The following ANK2 variants were observed in gnomAD, a reference collection of about 807,000 sequenced individuals.
The protein encoded by ANK2 is ankyrin 2.
A neutral mutation model predicts 360.5 loss-of-function variants in ANK2; 83 were observed. That is an observed-to-expected ratio of 0.23 (90% CI 0.19 to 0.28). ANK2 has a LOEUF of 0.28. ANK2 is among the 10% of genes least tolerant of loss of function. The pLI is 1.00. For synonymous variants in ANK2, 1,740 were observed against 1,759.5 expected (o/e 0.99, Z 0.28); for missense variants, 4,201 against 4,795.7 (o/e 0.88, Z 3.66).
At chr4:112,773,870 G>A in the ANK2 span, among the ~76,000 whole-genome samples, 5 of 151,802 alleles carry the variant, frequency 3.3e-5, no homozygotes, top group Non-Finnish European at 4.4e-5. Flanking sequence ...GCAAGATCTC[G>A]GCTTACTGCA....
At chr4:112,832,293 T>TC (rs2149691037) in intron 1 of ANK2, among the ~76,000 whole-genome samples, 1 of 152,298 alleles carries the variant, frequency 6.6e-6, no homozygotes, top group East Asian at 1.9e-4. Flanking sequence ...CCTCAAGTGA[T>TC]CCGCCTCCCT....
chr4:112,997,296 G>A (rs1048442405), intron 2 of ANK2, among the ~76,000 whole-genome samples: 11 of 152,212 alleles, frequency 7.2e-5, no homozygotes, highest in Admixed American at 2.6e-4. Context: ...CAATTTTCAA[G>A]TACACAGTAA....
chr4:113,164,072 T>C (rs1233318138), intron 1 of ANK2, among the ~76,000 whole-genome samples: 2 of 152,092 alleles, frequency 1.3e-5, no homozygotes, highest in Non-Finnish European at 2.9e-5. Flanking sequence ...GGACATTTCT[T>C]TTATATCAAC....
At chr4:113,201,528 C>A (rs1474407639) in intron 4 of ANK2, among the ~76,000 whole-genome samples, 1 of 152,210 alleles carries the variant, frequency 6.6e-6, no homozygotes, top group Non-Finnish European at 1.5e-5. Context: ...ACTTATACAT[C>A]ATGAAAATGA....
intron 31 of ANK2, among the ~76,000 whole-genome samples, chr4:113,338,760 A>G (rs1361063067): frequency 6.6e-6 from 1 of 151,922 alleles, no homozygotes; most frequent in Non-Finnish European, 1.5e-5. Flanking sequence ...CGTGTTAGCC[A>G]GGATGGTCTT....
the ANK2 span, among the ~76,000 whole-genome samples, chr4:112,714,522 A>T: frequency 3.3e-5 from 5 of 152,232 alleles, no homozygotes; most frequent in African/African-American, 1.2e-4. Context: ...TAAACATCAT[A>T]TGAAGCTACA....
At chr4:112,748,269 A>G in the ANK2 span, among the ~76,000 whole-genome samples, 4 of 152,220 alleles carry the variant, frequency 2.6e-5, no homozygotes, top group Non-Finnish European at 5.9e-5. Context: ...ACAGCAAATT[A>G]AAGTGGTTAT....
intron 2 of ANK2, among the ~76,000 whole-genome samples, chr4:113,186,029 C>G (rs1332302946): frequency 1.3e-5 from 2 of 152,176 alleles, no homozygotes; most frequent in Non-Finnish European, 2.9e-5. Context: ...AGTGGATCTC[C>G]CAGCACAGCA....
At chr4:113,152,539 G>A (rs969990230) in intron 1 of ANK2, among the ~76,000 whole-genome samples, 2 of 152,070 alleles carry the variant, frequency 1.3e-5, no homozygotes, top group South Asian at 2.1e-4. Context: ...AAAATTTTAC[G>A]TGTTTGATTT....
Position 113,042,479 on chromosome 4 carries a change from T to TA in ANK2, c.22-131935dup, listed in dbSNP as rs1336093175. 2.0e-5 allele frequency among the ~76,000 whole-genome samples: 3 copies of TA among 152,212 alleles called. No homozygotes were observed. In the East Asian group the frequency reaches 5.8e-4, roughly 29 times the overall value. ...TTCTATTTCTCTAGAGAACTCTGACTAATACACCTCCCAAAGGCCTTGTCT... is the reference window on the plus strand; with the variant it reads ...TTCTATTTCTCTAGAGAACTCTGACTAAATACACCTCCCAAAGGCCTTGTCT... On this transcript the variant is annotated intron_variant, in intron 2 of 30. Coordinates refer to the ANK2 transcript ENST00000503271.
chr4:113,131,922 G>T (rs2096063533), intron 1 of ANK2, among the ~76,000 whole-genome samples: 1 of 152,206 alleles, frequency 6.6e-6, no homozygotes, highest in African/African-American at 2.4e-5. Flanking sequence ...TAGACAAAAG[G>T]ATTAAGGGCT....
At chr4:113,213,444 T>C (rs2099047296) in intron 4 of ANK2, among the ~76,000 whole-genome samples, 1 of 152,206 alleles carries the variant, frequency 6.6e-6, no homozygotes, top group South Asian at 2.1e-4. Flanking sequence ...CAACACCTGC[T>C]ATTTGGGCAA....
chr4:113,372,803 C>T (rs546106561), intron 43 of ANK2, among the ~76,000 whole-genome samples: 1 of 152,324 alleles, frequency 6.6e-6, no homozygotes, highest in South Asian at 2.1e-4. Context: ...TCCAGCTTTC[C>T]TCCAGGAGAG....
At chr4:113,117,039 G>A (rs1018957535) in intron 1 of ANK2, 1 of 336,924 alleles carries the variant, frequency 3.0e-6, no homozygotes. Context: ...GCCTGTGTGC[G>A]TGCAGGTGTG....
At chr4:112,813,677 A>G (rs1485628270), upstream of ANK2, among the ~76,000 whole-genome samples, 1 of 152,086 alleles carries the variant, frequency 6.6e-6, no homozygotes, top group Non-Finnish European at 1.5e-5. Flanking sequence ...CTGGGACCAC[A>G]GGTGTGCACC....
At chr4:112,741,818 A>AAAAC in the ANK2 span, among the ~76,000 whole-genome samples, 671 of 152,214 alleles carry the variant, frequency 4.4e-3, 2 homozygotes, top group Non-Finnish European at 6.6e-3. Context: ...CCGTTTCTTA[A>AAAAC]AAACAAACAA....
intron 1 of ANK2, among the ~76,000 whole-genome samples, chr4:112,883,867 T>C (rs2077500917): frequency 7.0e-6 from 1 of 142,198 alleles, no homozygotes; most frequent in Admixed American, 6.9e-5. Context: ...TTCATATATA[T>C]ATGTATATAT....
Position 113,373,304 on chromosome 4 carries a change from G to C in ANK2, c.11714G>C (p.Arg3905Thr), listed in dbSNP as rs1381836039. ...VVKKVTRKII[R>T]RYVSSEGTEK... ...TTTCAGGTTACTAGGAAAATCATTA[G>C]GCGGTATGTATCCTCTGAAGGCACA... The change falls in exon 45 of 46, where the codon AGG (arginine) becomes ACG (threonine). Residue 3905 changes from arginine to threonine, a missense_variant. Physicochemically the swap from Arg to Thr is moderately conservative, Grantham distance 71. Around this residue, in one of 4 missense-constraint regions of ANK2, gnomAD observed 2,642 missense variants for 2,714.5 expected, o/e 0.97. Coordinates refer to ENST00000357077, the MANE Select transcript of ANK2 (RefSeq NM_001148.6). The C allele has an allele frequency of 1.2e-6, 2 of 1,614,024 alleles. No individual in the cohort carries two copies. Among genetic ancestry groups the C allele is most frequent in the African/African-American group, 2.7e-5 (2 of 74,918 alleles).
intron 1 of ANK2, among the ~76,000 whole-genome samples, chr4:113,085,302 G>T (rs1288209961): frequency 6.6e-6 from 1 of 151,880 alleles, no homozygotes; most frequent in Non-Finnish European, 1.5e-5. Flanking sequence ...AAGATATTAA[G>T]ACTTTTTCTT....
Sources: allele counts gnomAD v4.1 joint callset (sites outside exome capture counted in the v4.1 genomes callset), GRCh38; gene constraint gnomAD v4.1.1; regional missense constraint gnomAD v4.1.1; transcripts MANE v1.5; gene names NCBI Gene and HGNC (gene_info 2026-07-23, HGNC 2026-07-21).